Variants in FSTL4 observed in about 807,000 individuals in gnomAD.
FSTL4 encodes the protein follistatin like 4, also known as follistatin-related protein 4.
Under a neutral mutation model 78.2 loss-of-function variants are expected in FSTL4, and 28 were observed. That is an observed-to-expected ratio of 0.36 (90% CI 0.27 to 0.49). The LOEUF is 0.49. Among genes scored for constraint, FSTL4 ranks in the 20% least tolerant of loss-of-function variants. The pLI is 0.98. For missense variants in FSTL4, 922 were observed against 1,084.9 expected (o/e 0.85, Z 2.11); for synonymous variants, 422 against 440.5 (o/e 0.96, Z 0.53).
chr5:133,541,170 G>T (rs1156738819), intron 3 of FSTL4, among the ~76,000 whole-genome samples: 1 of 152,238 alleles, frequency 6.6e-6, no homozygotes, highest in Non-Finnish European at 1.5e-5. Context: ...AACAAGCGTT[G>T]CATTATTTCT....
At chr5:133,541,537 C>T (rs1489331266) in intron 3 of FSTL4, among the ~76,000 whole-genome samples, 1 of 152,190 alleles carries the variant, frequency 6.6e-6, no homozygotes, top group Non-Finnish European at 1.5e-5. Flanking sequence ...TGCCTCTCAA[C>T]AAGAGGAGGG....
At chr5:133,696,661 C>T in the FSTL4 span, among the ~76,000 whole-genome samples, 1 of 152,180 alleles carries the variant, frequency 6.6e-6, no homozygotes, top group Non-Finnish European at 1.5e-5. Context: ...GATAAGTGAA[C>T]AGATGGACAG....
chr5:133,388,738 T>G (rs950763955), intron 4 of FSTL4, among the ~76,000 whole-genome samples: 1 of 152,150 alleles, frequency 6.6e-6, no homozygotes, highest in Non-Finnish European at 1.5e-5. Flanking sequence ...GATCTCTCTT[T>G]GCTTATTGTG....
the FSTL4 span, among the ~76,000 whole-genome samples, chr5:133,839,368 A>G: frequency 6.6e-6 from 1 of 152,262 alleles, no homozygotes; most frequent in Admixed American, 6.5e-5. Context: ...TTTGTACAAG[A>G]TAAGAATTCT....
At chr5:133,409,942 T>C (rs1187774990) in intron 3 of FSTL4, among the ~76,000 whole-genome samples, 1 of 152,194 alleles carries the variant, frequency 6.6e-6, no homozygotes, top group Admixed American at 6.5e-5. Context: ...GAGGGCTGTA[T>C]AGAGATCCCT....
At chr5:133,755,249 T>C in the FSTL4 span, among the ~76,000 whole-genome samples, 1 of 152,200 alleles carries the variant, frequency 6.6e-6, no homozygotes, top group African/African-American at 2.4e-5. Flanking sequence ...GGGATGCAGC[T>C]GTGAGCTGTT....
At chr5:133,604,717 G>C (rs1453466340) in intron 1 of FSTL4, among the ~76,000 whole-genome samples, 1 of 152,044 alleles carries the variant, frequency 6.6e-6, no homozygotes, top group Non-Finnish European at 1.5e-5. Flanking sequence ...CTCAAAAAAA[G>C]AAATGATGAT....
At chr5:133,272,920 G>A (rs1299844998) in intron 6 of FSTL4, among the ~76,000 whole-genome samples, 2 of 152,262 alleles carry the variant, frequency 1.3e-5, no homozygotes, top group Non-Finnish European at 2.9e-5. Context: ...ACTTTCTGAT[G>A]CTGATAATAT....
At chr5:133,272,389 T>A (rs918935312) in intron 6 of FSTL4, among the ~76,000 whole-genome samples, 1 of 152,206 alleles carries the variant, frequency 6.6e-6, no homozygotes, top group Admixed American at 6.5e-5. Context: ...GAGGGCATGA[T>A]GGAAAGCCGG....
chr5:133,438,861 G>GA (rs1431358451), intron 3 of FSTL4, among the ~76,000 whole-genome samples: 1 of 152,256 alleles, frequency 6.6e-6, no homozygotes, highest in Non-Finnish European at 1.5e-5. Context: ...TGCAGGCTAA[G>GA]AATGGGGTTA....
chr5:133,797,383 C>T, the FSTL4 span, among the ~76,000 whole-genome samples: 27 of 152,312 alleles, frequency 1.8e-4, no homozygotes, highest in East Asian at 3.9e-3. Context: ...GATAAGGATG[C>T]TATGTAGTAA....
At chr5:133,566,764 G>A (rs1760035601) in intron 3 of FSTL4, among the ~76,000 whole-genome samples, 1 of 152,212 alleles carries the variant, frequency 6.6e-6, no homozygotes, top group African/African-American at 2.4e-5. Flanking sequence ...GAAGCTGTAA[G>A]AAATCTATTC....
intron 3 of FSTL4, among the ~76,000 whole-genome samples, chr5:133,555,569 G>A (rs889208587): frequency 1.3e-5 from 2 of 152,224 alleles, no homozygotes; most frequent in African/African-American, 4.8e-5. Context: ...AGGCACACCG[G>A]TTACACTATT....
chr5:133,224,132 A>G, intron 11 of FSTL4, 58 bp downstream of exon 11: 1 of 1,429,016 alleles, frequency 7.0e-7, no homozygotes, highest in Non-Finnish European at 9.8e-7. Context: ...AAGACGGCCC[A>G]TCATAGAACC....
chr5:133,335,588 C>T (rs1006360860), intron 4 of FSTL4, among the ~76,000 whole-genome samples: 4 of 151,910 alleles, frequency 2.6e-5, no homozygotes, highest in Admixed American at 6.5e-5. Flanking sequence ...TGAAATGTCC[C>T]CCTATCAACC....
the FSTL4 span, among the ~76,000 whole-genome samples, chr5:133,782,477 C>T: frequency 2.6e-5 from 4 of 152,334 alleles, no homozygotes; most frequent in South Asian, 6.2e-4. Context: ...AAGATGAGCC[C>T]GTCACAGATG....
chr5:133,664,155 T>C, the FSTL4 span, among the ~76,000 whole-genome samples: 3,420 of 152,002 alleles, frequency 0.022, 135 homozygotes, highest in African/African-American at 0.077. Context: ...ACACTGGAAA[T>C]ATTCGAACAC....
intron 15 of FSTL4, among the ~76,000 whole-genome samples, chr5:133,200,341 CAT>C (rs1370577523): frequency 6.6e-6 from 1 of 152,232 alleles, no homozygotes; most frequent in Non-Finnish European, 1.5e-5. Context: ...GGAAGGGAAA[CAT>C]GTAGGGGCAG....
the FSTL4 span, among the ~76,000 whole-genome samples, chr5:133,777,397 T>C: frequency 1.1e-4 from 17 of 152,262 alleles, 1 homozygote; most frequent in Admixed American, 4.6e-4. Flanking sequence ...GACATTTCTC[T>C]GTATTTAACA....
Sources: allele counts gnomAD v4.1 joint callset (sites outside exome capture counted in the v4.1 genomes callset), GRCh38; gene constraint gnomAD v4.1.1; transcripts MANE v1.5; gene names NCBI Gene and HGNC (gene_info 2026-07-23, HGNC 2026-07-21).